The following GPC5 variants were observed in gnomAD, a reference collection of about 807,000 sequenced individuals.
GPC5 encodes the protein glypican-5.
GPC5 carries 47 observed loss-of-function variants against 53.9 expected under a neutral mutation model. The observed-to-expected ratio is 0.87, with a 90% CI of 0.69 to 1.11. The LOEUF is 1.11. GPC5 is among the 50% of genes most tolerant of loss of function. The pLI is 0.00. For missense variants in GPC5, 748 were observed against 713.1 expected (o/e 1.05, Z -0.56); for synonymous variants, 286 against 263.3 (o/e 1.09, Z -0.84).
At chr13:91,812,610 C>G (rs1367793021) in intron 5 of GPC5, among the ~76,000 whole-genome samples, 1 of 152,140 alleles carries the variant, frequency 6.6e-6, no homozygotes, top group African/African-American at 2.4e-5. Flanking sequence ...TCCAATCCAG[C>G]ATTTTTCTAG....
At chr13:91,519,522 C>T (rs1365957770) in intron 2 of GPC5, among the ~76,000 whole-genome samples, 6 of 152,170 alleles carry the variant, frequency 3.9e-5, no homozygotes, top group African/African-American at 9.7e-5. Context: ...CTCCCCACTT[C>T]GCTCTCTGTC....
Position 92,632,985 on chromosome 13 carries a change from G to A in GPC5, c.1562-233297G>A, listed in dbSNP as rs184198820. Among the ~76,000 whole-genome samples, 3 of 152,214 alleles carry A rather than the reference G, an allele frequency of 2.0e-5. No individual in the cohort carries two copies. In the East Asian group the frequency reaches 5.8e-4, roughly 29 times the overall value. Reference sequence around the variant, plus strand: ...GGCTCACTGCAATCTCTGTCTCCGGGGTTCAAGCGGTTCTCCTGCCTCAGC... The same window carrying A: ...GGCTCACTGCAATCTCTGTCTCCGGAGTTCAAGCGGTTCTCCTGCCTCAGC... On this transcript the variant is annotated intron_variant, in intron 7 of 7. Transcript: ENST00000377067.
chr13:91,582,438 C>A (rs2032400407), intron 2 of GPC5, among the ~76,000 whole-genome samples: 1 of 151,778 alleles, frequency 6.6e-6, no homozygotes, highest in African/African-American at 2.4e-5. Flanking sequence ...ACAACAACAA[C>A]AAAACAGACA....
rs200811352 is a variant in GPC5, at chr13:92,525,155, A to AT, written c.1562-341123dup. ...CACAGTCTCTGTAGCCCTCCCATTGATTTTCTTCAGTCATCTCACAGTGGA... is the reference window on the plus strand; with the variant it reads ...CACAGTCTCTGTAGCCCTCCCATTGATTTTTCTTCAGTCATCTCACAGTGGA... On this transcript the variant is annotated intron_variant, in intron 7 of 7. Coordinates refer to ENST00000377067, the MANE Select transcript of GPC5 (RefSeq NM_004466.6). Among the ~76,000 whole-genome samples the AT allele has an allele frequency of 4.3e-3, 656 of 151,924 alleles. 3 individuals carry two copies. Among genetic ancestry groups the AT allele is most frequent in the African/African-American group, 0.015 (615 of 41,482 alleles).
chr13:92,518,159 C>A (rs1417618399), intron 7 of GPC5, among the ~76,000 whole-genome samples: 5 of 152,126 alleles, frequency 3.3e-5, no homozygotes, highest in Non-Finnish European at 5.9e-5. Context: ...TGATTGTTGT[C>A]CCTGAAAGTG....
intron 7 of GPC5, among the ~76,000 whole-genome samples, chr13:92,560,199 G>A (rs1882650416): frequency 6.6e-6 from 1 of 151,698 alleles, no homozygotes. Context: ...AAATCTATTA[G>A]TAAATGTAAG....
At chr13:92,473,495 C>T (rs1878986641) in intron 7 of GPC5, among the ~76,000 whole-genome samples, 2 of 152,082 alleles carry the variant, frequency 1.3e-5, no homozygotes, top group African/African-American at 4.8e-5. Flanking sequence ...TATTTCAAAA[C>T]AAATGATTCT....
In GPC5 at chr13:92,556,366, T is replaced by C. The variant is rs914839219; in HGVS notation, c.1562-309916T>C. Among the ~76,000 whole-genome samples, 9 of 151,994 alleles carry C rather than the reference T, an allele frequency of 5.9e-5. 1 individual carries two copies. The East Asian group carries it at 7.8e-4, about 13-fold the overall frequency. On this transcript the variant is annotated intron_variant, in intron 7 of 7. Coordinates refer to ENST00000377067, the MANE Select transcript of GPC5 (RefSeq NM_004466.6). ...TCAGGTATCTGAATAGTCTGGACTT[T>C]CAAAAACATTTTTCTACTAGAGTAC...
intron 6 of GPC5, among the ~76,000 whole-genome samples, chr13:92,115,161 G>A (rs762249431): frequency 2.0e-5 from 3 of 152,124 alleles, no homozygotes; most frequent in African/African-American, 4.8e-5. Flanking sequence ...GGTTGTACAC[G>A]TCTGTAAGTT....
intron 7 of GPC5, chr13:92,509,827 C>T (rs915157691): frequency 6.6e-6 from 1 of 152,142 alleles, no homozygotes; most frequent in African/African-American, 2.4e-5. Flanking sequence ...AGATAAGAGA[C>T]ACTAAGAAAT....
chr13:91,679,252 C>T (rs2035453003), intron 2 of GPC5, among the ~76,000 whole-genome samples: 1 of 152,026 alleles, frequency 6.6e-6, no homozygotes, highest in Non-Finnish European at 1.5e-5. Context: ...CATAGGTATA[C>T]AGGTGCCATG....
chr13:91,670,372 A>G (rs1464410823), intron 2 of GPC5, among the ~76,000 whole-genome samples: 1 of 152,172 alleles, frequency 6.6e-6, no homozygotes, highest in Non-Finnish European at 1.5e-5. Context: ...AGACCAGGGT[A>G]GTGGCTATAA....
intron 7 of GPC5, among the ~76,000 whole-genome samples, chr13:92,640,551 C>T (rs1220296952): frequency 1.3e-5 from 2 of 152,164 alleles, no homozygotes; most frequent in African/African-American, 2.4e-5. Flanking sequence ...TGAGCCACTA[C>T]GCCCGGCCCC....
At position 91,399,070 on chromosome 13, in the gene GPC5, G is replaced by A. The variant is rs768904144; in HGVS notation, c.24G>A (p.Val8=). Residue 8 remains valine (V), a synonymous_variant, in exon 1 of 8, where the codon GTG becomes GTA. Coordinates refer to ENST00000377067, the MANE Select transcript of GPC5 (RefSeq NM_004466.6). ...GGATGGACGCACAGACCTGGCCCGT[G>A]GGCTTTCGCTGCCTCCTCCTTCTGG... The part of the protein sequence containing the change: MDAQTWP[V]GFRCLLLLAL... 31 of 1,571,908 alleles carry A rather than the reference G, an allele frequency of 2.0e-5. No homozygotes were observed. In the African/African-American group the frequency reaches 3.4e-4, roughly 17 times the overall value.
chr13:92,504,991 G>A (rs947345355), intron 7 of GPC5, among the ~76,000 whole-genome samples: 6 of 150,870 alleles, frequency 4.0e-5, no homozygotes, highest in Non-Finnish European at 8.9e-5. Context: ...ATATATATGT[G>A]CATATAAATA....
chr13:92,589,377 T>G (rs1220874537), intron 7 of GPC5, among the ~76,000 whole-genome samples: 1 of 152,166 alleles, frequency 6.6e-6, no homozygotes, highest in African/African-American at 2.4e-5. Flanking sequence ...TCTACTGTTG[T>G]TTTTCATCCC....
intron 7 of GPC5, among the ~76,000 whole-genome samples, chr13:92,529,244 A>T (rs571438087): frequency 1.3e-5 from 2 of 152,298 alleles, no homozygotes; most frequent in South Asian, 4.1e-4. Context: ...AAGGGCCTCA[A>T]ATCAATAATT....
intron 5 of GPC5, among the ~76,000 whole-genome samples, chr13:91,798,303 C>T (rs1016345914): frequency 2.0e-5 from 3 of 152,162 alleles, no homozygotes; most frequent in Admixed American, 6.6e-5. Flanking sequence ...TTAAGCCCAA[C>T]GTCCATTAGC....
intron 4 of GPC5, among the ~76,000 whole-genome samples, chr13:91,751,983 A>G (rs892996817): frequency 1.3e-5 from 2 of 152,146 alleles, no homozygotes; most frequent in African/African-American, 2.4e-5. Context: ...AATTTCCTCA[A>G]TAGTTCTGGG....
Sources: gnomAD v4.1 joint callset for allele counts (sites outside exome capture counted in the v4.1 genomes callset) on GRCh38, gnomAD v4.1.1 for gene constraint, MANE v1.5 for transcripts, NCBI Gene and HGNC (gene_info 2026-07-23, HGNC 2026-07-21) for gene names.